Variants in KDM4C observed in about 807,000 individuals in gnomAD.
The protein encoded by KDM4C is lysine-specific demethylase 4C.
In KDM4C, 81 loss-of-function variants were observed where a neutral mutation model predicts 129.3. The ratio of observed to expected loss-of-function variants is 0.63; its 90% CI spans 0.52 to 0.75. The LOEUF (loss-of-function observed/expected upper bound fraction) is 0.75, where lower values mean the gene tolerates loss of function less well. Ranked by LOEUF, KDM4C falls within the 30% of genes least tolerant of loss-of-function variation. The pLI is 0.00. For synonymous variants in KDM4C, 573 were observed against 456.1 expected (o/e 1.26, Z -3.26); for missense variants, 1,457 against 1,304.0 (o/e 1.12, Z -1.81).
intron 8 of KDM4C, among the ~76,000 whole-genome samples, chr9:6,944,826 G>A (rs1826648785): frequency 6.6e-6 from 1 of 151,792 alleles, no homozygotes; most frequent in Admixed American, 6.6e-5. Context: ...AGAATGTGGG[G>A]GCAATTGTAT....
upstream of KDM4C, among the ~76,000 whole-genome samples, chr9:6,754,337 C>T (rs536835415): frequency 2.0e-5 from 3 of 151,494 alleles, no homozygotes; most frequent in South Asian, 4.2e-4. Context: ...CTCAGCCTCC[C>T]GAGTAGCTGG....
rs79820259 is a variant in KDM4C at position 7,077,662 on chromosome 9, A to G, written c.2425-26023A>G. On this transcript the variant is annotated intron_variant, in intron 17 of 21. Coordinates refer to ENST00000381309, the MANE Select transcript of KDM4C (RefSeq NM_015061.6). ...TGGAGTCAAGAGAAGTGGGAGGTCTATGACTCCCAGGAACACCTTTAAGCT... is the reference window on the plus strand; with the variant it reads ...TGGAGTCAAGAGAAGTGGGAGGTCTGTGACTCCCAGGAACACCTTTAAGCT... 8.7e-3 allele frequency among the ~76,000 whole-genome samples: 1,327 copies of G among 152,314 alleles called. 14 individuals carry two copies. The highest frequency in any genetic ancestry group is 0.03 in the African/African-American group (1,230 of 41,560).
chr9:6,932,933 C>T (rs1180728305), intron 8 of KDM4C, among the ~76,000 whole-genome samples: 4 of 152,184 alleles, frequency 2.6e-5, no homozygotes, highest in Admixed American at 6.5e-5. Context: ...TTGTAACCAT[C>T]TTTCATGCAT....
chr9:7,092,389 T>G (rs1343632529), intron 17 of KDM4C, among the ~76,000 whole-genome samples: 2 of 152,184 alleles, frequency 1.3e-5, no homozygotes, highest in African/African-American at 4.8e-5. Flanking sequence ...GGCAGTATCA[T>G]GAACCGCAAG....
chr9:7,153,961 T>C (rs1363110125), intron 19 of KDM4C, among the ~76,000 whole-genome samples: 1 of 152,198 alleles, frequency 6.6e-6, no homozygotes, highest in Admixed American at 6.5e-5. Context: ...CTGCTGCTGC[T>C]GTCTGAGAGA....
intron 4 of KDM4C, among the ~76,000 whole-genome samples, chr9:6,824,937 A>G (rs754262765): frequency 2.0e-5 from 3 of 152,070 alleles, no homozygotes; most frequent in Admixed American, 2.0e-4. Flanking sequence ...TGAGGTCAAG[A>G]GTTCGAGACC....
intron 2 of KDM4C, among the ~76,000 whole-genome samples, chr9:6,793,346 T>A (rs1391474355): frequency 1.4e-5 from 2 of 145,772 alleles, no homozygotes; most frequent in Admixed American, 1.4e-4. Context: ...TTCTAAGGCT[T>A]AAAAAAAAAA....
chr9:7,159,909 A>G (rs951571483), intron 19 of KDM4C, among the ~76,000 whole-genome samples: 5 of 152,144 alleles, frequency 3.3e-5, no homozygotes, highest in African/African-American at 7.2e-5. Flanking sequence ...TCTCCTGGAT[A>G]CTATCCTGAC....
chr9:7,134,413 A>G (rs1335439613), intron 19 of KDM4C, among the ~76,000 whole-genome samples: 4 of 152,232 alleles, frequency 2.6e-5, no homozygotes, highest in Non-Finnish European at 5.9e-5. Flanking sequence ...TTCCTTGATT[A>G]ATGTTCACAT....
At chr9:6,809,850 T>C (rs1334166378) in intron 3 of KDM4C, among the ~76,000 whole-genome samples, 1 of 151,996 alleles carries the variant, frequency 6.6e-6, no homozygotes, top group Non-Finnish European at 1.5e-5. Context: ...ATACAAAAAT[T>C]AGCCAGGCAG....
chr9:7,029,352 A>G (rs1203254714), intron 15 of KDM4C, among the ~76,000 whole-genome samples: 2 of 151,322 alleles, frequency 1.3e-5, no homozygotes, highest in East Asian at 3.9e-4. Context: ...TTTCTGTGAA[A>G]TACATCAACA....
intron 12 of KDM4C, among the ~76,000 whole-genome samples, chr9:6,993,695 A>G (rs115642543): frequency 0.02 from 2,976 of 152,290 alleles, 98 homozygotes; most frequent in African/African-American, 0.068. Flanking sequence ...GTCTCTGGCC[A>G]TGGAACGTAC....
intron 1 of KDM4C, among the ~76,000 whole-genome samples, chr9:6,760,042 T>G (rs1397054044): frequency 6.6e-6 from 1 of 151,942 alleles, no homozygotes; most frequent in Non-Finnish European, 1.5e-5. Flanking sequence ...CCACAATGAA[T>G]TTTTGAATTT....
chr9:7,048,472 A>T (rs1829718791), intron 16 of KDM4C, among the ~76,000 whole-genome samples: 1 of 152,130 alleles, frequency 6.6e-6, no homozygotes, highest in Non-Finnish European at 1.5e-5. Context: ...TAATAGTATT[A>T]ACGGGAAAGT....
At chr9:6,832,637 G>A (rs932483633) in intron 4 of KDM4C, among the ~76,000 whole-genome samples, 1 of 151,108 alleles carries the variant, frequency 6.6e-6, no homozygotes, top group Non-Finnish European at 1.5e-5. Flanking sequence ...ATGTTAGCCA[G>A]GATGGTCTCG....
intron 18 of KDM4C, among the ~76,000 whole-genome samples, chr9:7,108,092 G>T (rs188624613): frequency 6.6e-6 from 1 of 152,132 alleles, no homozygotes; most frequent in Non-Finnish European, 1.5e-5. Context: ...AGGGTGGGTA[G>T]GGTGGCTTCT....
chr9:6,946,566 C>T (rs1054049599), intron 8 of KDM4C, among the ~76,000 whole-genome samples: 1 of 152,060 alleles, frequency 6.6e-6, no homozygotes, highest in Non-Finnish European at 1.5e-5. Context: ...GGGTAAATCT[C>T]TACCAAGTTT....
At chr9:6,930,253 T>C (rs1823419144) in intron 8 of KDM4C, among the ~76,000 whole-genome samples, 1 of 152,182 alleles carries the variant, frequency 6.6e-6, no homozygotes, top group Non-Finnish European at 1.5e-5. Flanking sequence ...ATATGTATGT[T>C]GAATTTTCAC....
intron 7 of KDM4C, among the ~76,000 whole-genome samples, chr9:6,890,281 G>C (rs1845931161): frequency 6.6e-6 from 1 of 152,162 alleles, no homozygotes; most frequent in African/African-American, 2.4e-5. Flanking sequence ...TGTAAAATGG[G>C]ATAAAAATAG....
Sources: gnomAD v4.1 joint callset for allele counts (sites outside exome capture counted in the v4.1 genomes callset) on GRCh38, gnomAD v4.1.1 for gene constraint, MANE v1.5 for transcripts, NCBI Gene and HGNC (gene_info 2026-07-23, HGNC 2026-07-21) for gene names.